Variants in DNAI4 observed in about 807,000 individuals in gnomAD.
DNAI4 encodes the protein dynein axonemal intermediate chain 4.
Under a neutral mutation model 105.8 loss-of-function variants are expected in DNAI4, and 85 were observed. That is an observed-to-expected ratio of 0.80 (90% CI 0.67 to 0.96). The LOEUF is 0.96. Among genes scored for constraint, DNAI4 ranks in the 40% least tolerant of loss-of-function variants. The pLI is 0.00. For missense variants in DNAI4, 1,014 were observed against 1,005.6 expected, an observed-to-expected ratio of 1.01 and a Z score of -0.11; for synonymous variants, 352 against 331.5, an observed-to-expected ratio of 1.06 and a Z score of -0.67.
intron 8 of DNAI4, among the ~76,000 whole-genome samples, chr1:66,845,217 T>TAAAAAAAAAAAAAAAAAAAAAAA (rs869249698): frequency 2.6e-5 from 1 of 38,108 alleles, no homozygotes; most frequent in African/African-American, 1.0e-4. Flanking sequence ...AAAGAAAAAT[T>TAAAAAAAAAAAAAAAAAAAAAAA]AAAAAAAAAA....
chr1:66,849,174 T>C (rs946418293), intron 7 of DNAI4, among the ~76,000 whole-genome samples: 5 of 152,206 alleles, frequency 3.3e-5, no homozygotes, highest in Non-Finnish European at 7.3e-5. Context: ...AAAACTTTTA[T>C]CACTCCCCAG....
chr1:66,840,803 T>C, intron 8 of DNAI4, 132 bp from the exon 9 acceptor site: 1 of 941,698 alleles, frequency 1.1e-6, no homozygotes. Context: ...ATGGTGCAAG[T>C]GGCAGGGCAC....
At chr1:66,822,570 T>A (rs1249930411) in intron 15 of DNAI4, 53 bp from the exon 16 acceptor site, 15 of 1,364,962 alleles carry the variant, frequency 1.1e-5, no homozygotes, top group Middle Eastern at 2.0e-4. Context: ...ATATGGTCTT[T>A]TAAATAGACA....
chr1:66,911,139 G>T (rs1483314240), intron 1 of DNAI4, among the ~76,000 whole-genome samples: 1 of 152,158 alleles, frequency 6.6e-6, no homozygotes, highest in Non-Finnish European at 1.5e-5. Context: ...ATAAAATCAG[G>T]GTTCCCACAA....
intron 1 of DNAI4, among the ~76,000 whole-genome samples, chr1:66,906,313 G>T (rs922907435): frequency 6.6e-6 from 1 of 151,856 alleles, no homozygotes; most frequent in African/African-American, 2.4e-5. Context: ...TTAAGACAAG[G>T]ACTTACCTTA....
At position 66,924,686 on chromosome 1, in the gene DNAI4, C is replaced by A; in HGVS notation, c.146G>T (p.Ser49Ile). Residue 49 changes from serine (S) to isoleucine (I), a missense_variant, in exon 1 of 17, where the codon AGT becomes ATT. Coordinates refer to ENST00000371026, the MANE Select transcript of DNAI4 (RefSeq NM_024763.5). ...VATMPVSPAG[S>I]HKQQNFGLNN... is the part of the protein sequence containing the mutation. ...CAACCCGAAGTTCTGCTGCTTGTGA[C>A]TGCCTGCCGGAGAGACTGGCATGGT... 1 of 1,614,254 alleles carries A rather than the reference C, an allele frequency of 6.2e-7. No homozygotes were observed. Among genetic ancestry groups the A allele is most frequent in the Non-Finnish European group, 8.5e-7 (1 of 1,180,056 alleles).
In DNAI4 at chr1:66,814,126, T is replaced by C; in HGVS notation, c.*4A>G. 1 of 1,584,992 alleles carries C rather than the reference T, an allele frequency of 6.3e-7. No homozygotes were observed. Among genetic ancestry groups the C allele is most frequent in the Non-Finnish European group, 8.5e-7 (1 of 1,174,698 alleles). On this transcript the variant is annotated 3_prime_UTR_variant, in exon 17 of 17. Transcript: ENST00000371026. The stretch of plus-strand genomic sequence containing the variant: ...ACTACAAGAAAAATATTAGGAATGA[T>C]GAATTATGCTGATTGGTTTGACTTG...
chr1:66,876,127 G>T (rs1297316456), intron 4 of DNAI4, among the ~76,000 whole-genome samples: 6 of 151,710 alleles, frequency 4.0e-5, no homozygotes, highest in African/African-American at 7.3e-5. Flanking sequence ...ATAAGTAAAA[G>T]ATTTTATTTA....
intron 6 of DNAI4, among the ~76,000 whole-genome samples, chr1:66,866,207 T>TGAGGCAGGAGAATCACTCG (rs1646729716): frequency 2.0e-5 from 3 of 151,266 alleles, no homozygotes; most frequent in South Asian, 4.2e-4. Flanking sequence ...CTTGGGAGGG[T>TGAGGCAGGAGAATCACTCG]GAGGCAGGAG....
chr1:66,827,228 C>T (rs1645774018), intron 14 of DNAI4, among the ~76,000 whole-genome samples, 182 bp from the exon 15 acceptor site: 1 of 151,452 alleles, frequency 6.6e-6, no homozygotes, highest in African/African-American at 2.4e-5. Context: ...CATTTAGAAA[C>T]ATAAAAATAT....
At chr1:66,834,207 T>C in intron 11 of DNAI4, 59 bp from the exon 12 acceptor site, 1 of 1,182,176 alleles carries the variant, frequency 8.5e-7, no homozygotes, top group Non-Finnish European at 1.2e-6. Context: ...TTAAAGGCCT[T>C]GGAGTATAAG....
At chr1:66,832,552 G>C (rs1270946254) in intron 13 of DNAI4, among the ~76,000 whole-genome samples, 2 of 151,948 alleles carry the variant, frequency 1.3e-5, no homozygotes, top group African/African-American at 4.8e-5. Flanking sequence ...TGGTGGGGAT[G>C]GTTAATGGGT....
intron 7 of DNAI4, among the ~76,000 whole-genome samples, chr1:66,852,105 TAACA>T (rs1275344907): frequency 2.0e-5 from 3 of 151,964 alleles, no homozygotes; most frequent in Admixed American, 1.3e-4. Context: ...AAAGTGATAA[TAACA>T]AACAACTCTA....
Position 66,822,081 on chromosome 1 carries a change from A to G in DNAI4, c.2496+280T>C, listed in dbSNP as rs549448605. 2.6e-5 allele frequency among the ~76,000 whole-genome samples: 4 copies of G among 152,214 alleles called. No individual in the cohort carries two copies. The South Asian group carries it at 6.2e-4, about 24-fold the overall frequency. On this transcript the variant is annotated intron_variant, in intron 16 of 16. Transcript: ENST00000371026. ...TTAAGAATTATTAAGTCCCAATTAC[A>G]TACTAGGCACAATTTTAGGTTATCC...
intron 6 of DNAI4, among the ~76,000 whole-genome samples, chr1:66,863,491 C>T (rs1646669907): frequency 6.6e-6 from 1 of 151,914 alleles, no homozygotes; most frequent in Non-Finnish European, 1.5e-5. Context: ...AAGAGTTTTG[C>T]TCTGTTGCCC....
intron 7 of DNAI4, among the ~76,000 whole-genome samples, chr1:66,859,925 A>T: frequency 6.6e-6 from 1 of 152,098 alleles, no homozygotes; most frequent in East Asian, 1.9e-4. Flanking sequence ...TTAAAATACA[A>T]AGAACTATAT....
intron 2 of DNAI4, among the ~76,000 whole-genome samples, chr1:66,897,595 T>C (rs898786247): frequency 2.9e-4 from 44 of 152,122 alleles, no homozygotes; most frequent in Admixed American, 2.6e-3. Context: ...GGACAGACCC[T>C]GGGTGCCCTT....
At chr1:66,851,122 T>C (rs1461083787) in intron 7 of DNAI4, among the ~76,000 whole-genome samples, 1 of 151,636 alleles carries the variant, frequency 6.6e-6, no homozygotes, top group Non-Finnish European at 1.5e-5. Flanking sequence ...AAATATACAA[T>C]GTAGATAGGT....
In DNAI4 at chr1:66,895,603, A is replaced by G. The variant is rs180708165; in HGVS notation, c.346-2190T>C. On this transcript the variant is annotated intron_variant, in intron 2 of 16. Transcript: ENST00000371026. ...TACATTCCATTTCTTTTTCTTACCAATTTGAACTGATTTATGTTGAATAAA... is the reference window on the plus strand; with the variant it reads ...TACATTCCATTTCTTTTTCTTACCAGTTTGAACTGATTTATGTTGAATAAA... Among the ~76,000 whole-genome samples the G allele has an allele frequency of 1.9e-3, 288 of 152,090 alleles. 1 individual carries two copies. Among genetic ancestry groups the G allele is most frequent in the Non-Finnish European group, 3.4e-3 (230 of 67,986 alleles).
Sources: gnomAD v4.1 joint callset for allele counts (sites outside exome capture counted in the v4.1 genomes callset) on GRCh38, gnomAD v4.1.1 for gene constraint, MANE v1.5 for transcripts, NCBI Gene and HGNC (gene_info 2026-07-23, HGNC 2026-07-21) for gene names.